SMAP1: variants seen among roughly 807,000 people sequenced by gnomAD.
SMAP1 encodes stromal membrane-associated protein 1.
In SMAP1, 24 loss-of-function variants were observed where a neutral mutation model predicts 58.5. The ratio of observed to expected loss-of-function variants is 0.41; its 90% CI spans 0.30 to 0.58. The LOEUF is 0.58. SMAP1 is among the 20% of genes least tolerant of loss of function. SMAP1 has a pLI of 0.29. For synonymous variants in SMAP1, 216 were observed against 196.6 expected (o/e 1.10, Z -0.82); for missense variants, 563 against 566.3 (o/e 0.99, Z 0.06).
rs537570004 is a variant in SMAP1 at position 70,860,564 on chromosome 6, T to G, written c.*230T>G. 2.2e-6 allele frequency: 1 copy of G among 456,860 alleles called. No individual in the cohort carries two copies. The highest frequency in any genetic ancestry group is 4.0e-5 in the Admixed American group (1 of 25,052). The allele number at this position is 456,860 out of a possible 1,614,324, so 28.3% of individuals were successfully genotyped here. A position where few individuals can be genotyped will look rare whatever the true frequency, so the allele number is the denominator to read the frequency against. ...CAGCTTTGCTCATATTTCCCATGAT[T>G]TCATGTACTGCATTATTTGAGAAGC... On this transcript the variant is annotated 3_prime_UTR_variant, in exon 11 of 11. Coordinates refer to ENST00000370455, the MANE Select transcript of SMAP1 (RefSeq NM_001044305.3).
intron 6 of SMAP1, among the ~76,000 whole-genome samples, chr6:70,817,152 A>G (rs904615223): frequency 1.3e-5 from 2 of 148,786 alleles, no homozygotes; most frequent in African/African-American, 4.9e-5. Flanking sequence ...TTTTTTTGCC[A>G]TATTCTCTGC....
At chr6:70,685,548 TAAAGG>T (rs903498852) in intron 1 of SMAP1, among the ~76,000 whole-genome samples, 3 of 152,072 alleles carry the variant, frequency 2.0e-5, no homozygotes, top group Admixed American at 6.5e-5. Context: ...AAATCAAACT[TAAAGG>T]AGAATGGCAA....
At position 70,861,797 on chromosome 6, in the gene SMAP1, C is replaced by T; in HGVS notation, c.*1463C>T. 6 of 1,614,062 alleles carry T rather than the reference C, an allele frequency of 3.7e-6. No homozygotes were observed. The highest frequency in any genetic ancestry group is 4.2e-6 in the Non-Finnish European group (5 of 1,179,960). Reference sequence around the variant, plus strand: ...GGGTAGCGCACTCTTCATGGTGACACTCGAGGTCGGGCAGCACAAGTGTAA... The same window carrying T: ...GGGTAGCGCACTCTTCATGGTGACATTCGAGGTCGGGCAGCACAAGTGTAA... On this transcript the variant is annotated 3_prime_UTR_variant, in exon 11 of 11. Transcript: ENST00000370455.
intron 1 of SMAP1, among the ~76,000 whole-genome samples, chr6:70,670,764 G>A (rs566082052): frequency 6.6e-6 from 1 of 152,246 alleles, no homozygotes; most frequent in African/African-American, 2.4e-5. Context: ...TTGAGAATAT[G>A]TACCAAAACT....
At position 70,675,198 on chromosome 6, in the gene SMAP1, G is replaced by GT. The variant is rs67744035; in HGVS notation, c.118+7083dup. On this transcript the variant is annotated intron_variant, in intron 1 of 10. Transcript: ENST00000370455. Reference sequence around the variant, plus strand: ...CATATATACTCACAAATTATATAGTGTTTTTTTTTTTTTTTTTTTTTTTTT... The same window carrying GT: ...CATATATACTCACAAATTATATAGTGTTTTTTTTTTTTTTTTTTTTTTTTTT... 7.2e-3 allele frequency among the ~76,000 whole-genome samples: 786 copies of GT among 109,876 alleles called. 16 individuals are homozygous for GT. Among genetic ancestry groups the GT allele is most frequent in the Admixed American group, 0.017 (170 of 9,892 alleles). The allele number at this position is 109,876 out of a possible 152,430, so 72.1% of individuals were successfully genotyped here. A position where few individuals can be genotyped will look rare whatever the true frequency, so the allele number is the denominator to read the frequency against.
intron 6 of SMAP1, among the ~76,000 whole-genome samples, chr6:70,802,429 G>A (rs1768904255): frequency 6.6e-6 from 1 of 152,116 alleles, no homozygotes; most frequent in Non-Finnish European, 1.5e-5. Flanking sequence ...GGGTTTTCTG[G>A]ATATATAATC....
chr6:70,693,763 A>T (rs1767284220), intron 1 of SMAP1: 1 of 152,410 alleles, frequency 6.6e-6, no homozygotes, highest in Non-Finnish European at 1.5e-5. Flanking sequence ...AGGGGTTGAG[A>T]AAATGAAAAA....
chr6:70,683,185 T>TTTTTTC (rs1766796035), intron 1 of SMAP1, among the ~76,000 whole-genome samples: 1 of 110,478 alleles, frequency 9.1e-6, no homozygotes, highest in Non-Finnish European at 2.0e-5. Context: ...TTTTTTTTTT[T>TTTTTTC]CTTGAGGCGG....
At chr6:70,738,418 A>G (rs1448513321) in intron 2 of SMAP1, among the ~76,000 whole-genome samples, 1 of 151,286 alleles carries the variant, frequency 6.6e-6, no homozygotes, top group African/African-American at 2.4e-5. Flanking sequence ...TCTGGAAGGA[A>G]TGTTTTTGAA....
intron 1 of SMAP1, among the ~76,000 whole-genome samples, chr6:70,722,376 T>C (rs75644855): frequency 7.2e-5 from 11 of 152,368 alleles, no homozygotes; most frequent in South Asian, 6.2e-4. Context: ...TTTGGAGGAA[T>C]TCTAGCATTG....
chr6:70,693,854 A>G (rs1330383741), intron 1 of SMAP1: 1 of 152,248 alleles, frequency 6.6e-6, no homozygotes, highest in Non-Finnish European at 1.5e-5. Flanking sequence ...CTTGGGTATC[A>G]CTCAAAGTAT....
At chr6:70,840,686 T>C (rs1246890432) in intron 7 of SMAP1, among the ~76,000 whole-genome samples, 3 of 152,212 alleles carry the variant, frequency 2.0e-5, no homozygotes, top group Non-Finnish European at 4.4e-5. Flanking sequence ...TATTTAGATA[T>C]TAATTTGTGT....
At chr6:70,784,106 G>A (rs915692942) in intron 4 of SMAP1, among the ~76,000 whole-genome samples, 1 of 152,136 alleles carries the variant, frequency 6.6e-6, no homozygotes, top group African/African-American at 2.4e-5. Context: ...CTGACCTCTC[G>A]GCAGAAACTC....
chr6:70,825,991 C>T lies in SMAP1; in HGVS notation c.577-10950C>T, dbSNP rs186973919. On this transcript the variant is annotated intron_variant, in intron 6 of 10. Transcript: ENST00000370455. ...AGAGTATGAGTTTAAGATTAGGAAA[C>T]GTGTTCTTCATTTTTGTATCCCTAG... 5.8e-3 allele frequency among the ~76,000 whole-genome samples: 887 copies of T among 152,312 alleles called. 5 individuals are homozygous for T. The highest frequency in any genetic ancestry group is 0.024 in the Middle Eastern group (7 of 294).
rs66981900 is a variant in SMAP1 at position 70,682,170 on chromosome 6, A to ATTTTTTTTTTTTT, written c.118+14053_118+14065dup. On this transcript the variant is annotated intron_variant, in intron 1 of 10. Coordinates refer to ENST00000370455, the MANE Select transcript of SMAP1 (RefSeq NM_001044305.3). ...GGATTTAAGGTTATTCTCTGCACAG[A>ATTTTTTTTTTTTT]TTTTTTTTTTTTTTTTTTTTTTTTT... Among the ~76,000 whole-genome samples the ATTTTTTTTTTTTT allele has an allele frequency of 7.3e-5, 7 of 95,918 alleles. 1 individual carries two copies. The highest frequency in any genetic ancestry group is 1.2e-4 in the Admixed American group (1 of 8,176). The allele number at this position is 95,918 out of a possible 152,430, so 62.9% of individuals were successfully genotyped here.
chr6:70,745,066 G>T (rs1765971774), intron 2 of SMAP1, among the ~76,000 whole-genome samples: 1 of 152,182 alleles, frequency 6.6e-6, no homozygotes, highest in Admixed American at 6.5e-5. Context: ...GTAGATTCTG[G>T]ATATTAGCCC....
intron 4 of SMAP1, among the ~76,000 whole-genome samples, chr6:70,780,045 G>A (rs1363636537): frequency 6.6e-6 from 1 of 152,164 alleles, no homozygotes. Flanking sequence ...CTGGTGGCAG[G>A]CTTTAAGTCA....
intron 2 of SMAP1, among the ~76,000 whole-genome samples, chr6:70,738,002 T>C (rs117808846): frequency 0.023 from 3,576 of 152,248 alleles, 51 homozygotes; most frequent in Non-Finnish European, 0.037. Flanking sequence ...TTTTCAATAA[T>C]TAAAACTGTC....
intron 5 of SMAP1, 114 bp from the exon 6 acceptor site, chr6:70,798,543 T>G (rs1768705484): frequency 2.8e-6 from 2 of 725,064 alleles, no homozygotes; most frequent in African/African-American, 3.6e-5. Flanking sequence ...GTAGATATTG[T>G]AATTACTGAA....
Sources: gnomAD v4.1 joint callset for allele counts (sites outside exome capture counted in the v4.1 genomes callset) on GRCh38, gnomAD v4.1.1 for gene constraint, MANE v1.5 for transcripts, NCBI Gene and HGNC (gene_info 2026-07-23, HGNC 2026-07-21) for gene names.